The following UNC13C variants were observed in gnomAD, a reference collection of about 807,000 sequenced individuals.
UNC13C encodes the protein protein unc-13 homolog C.
Under a neutral mutation model 245.4 loss-of-function variants are expected in UNC13C, and 174 were observed. That is an observed-to-expected ratio of 0.71 (90% CI 0.63 to 0.80). UNC13C has a LOEUF of 0.80. Ranked by LOEUF, UNC13C falls within the 30% of genes least tolerant of loss-of-function variation. The pLI is 0.00. For synonymous variants in UNC13C, 992 were observed against 895.1 expected (o/e 1.11, Z -1.93); for missense variants, 2,829 against 2,602.9 (o/e 1.09, Z -1.89).
At position 53,980,329 on chromosome 15, in the gene UNC13C, G is replaced by A. The variant is rs184898755; in HGVS notation, c.-257+1402G>A. Among the ~76,000 whole-genome samples the A allele has an allele frequency of 1.4e-4, 22 of 152,296 alleles. 1 individual carries two copies. The East Asian group carries it at 2.9e-3, about 20-fold the overall frequency. On this transcript the variant is annotated intron_variant, in intron 1 of 32. Transcript: ENST00000260323. ...TAAGTATAGGCAATTCTTGATACCA[G>A]AGGAGTGATTTAGAAAATGAGCAAA...
At chr15:53,938,636 G>T in the UNC13C span, among the ~76,000 whole-genome samples, 2 of 152,028 alleles carry the variant, frequency 1.3e-5, no homozygotes, top group East Asian at 1.9e-4. Flanking sequence ...AAATGCAAAA[G>T]AACTGAAATC....
At chr15:54,111,258 T>C (rs1459051917) in intron 2 of UNC13C, among the ~76,000 whole-genome samples, 1 of 152,252 alleles carries the variant, frequency 6.6e-6, no homozygotes. Flanking sequence ...AGAATTCTTC[T>C]GTAAACATCA....
At chr15:53,928,943 C>T in the UNC13C span, among the ~76,000 whole-genome samples, 2 of 152,096 alleles carry the variant, frequency 1.3e-5, no homozygotes, top group African/African-American at 4.8e-5. Flanking sequence ...TACATCATGA[C>T]AAGAGTCATG....
chr15:53,886,852 A>C, the UNC13C span, among the ~76,000 whole-genome samples: 1 of 152,190 alleles, frequency 6.6e-6, no homozygotes, highest in Admixed American at 6.5e-5. Context: ...CAAATACATG[A>C]CTCCAGTCTA....
chr15:54,426,680 C>A (rs2140968638), intron 19 of UNC13C, among the ~76,000 whole-genome samples: 1 of 151,760 alleles, frequency 6.6e-6, no homozygotes, highest in South Asian at 2.1e-4. Flanking sequence ...TAAAGGCTGC[C>A]TACCATGGAG....
chr15:54,500,035 A>G (rs1894130002), intron 20 of UNC13C, 44 bp from the exon 21 acceptor site: 1 of 1,388,070 alleles, frequency 7.2e-7, no homozygotes, highest in South Asian at 1.3e-5. Context: ...AATTTTATGC[A>G]AATGATGTCC....
intron 12 of UNC13C, among the ~76,000 whole-genome samples, chr15:54,299,772 A>G (rs1489011297): frequency 6.6e-6 from 1 of 152,124 alleles, no homozygotes; most frequent in East Asian, 1.9e-4. Context: ...CTGCAGTGTA[A>G]TAGAATCTAA....
chr15:53,991,753 AT>A (rs1184385413), intron 1 of UNC13C, among the ~76,000 whole-genome samples: 3 of 152,040 alleles, frequency 2.0e-5, no homozygotes, highest in Non-Finnish European at 4.4e-5. Flanking sequence ...TTGCATCCAC[AT>A]TGTTTCTGAT....
chr15:54,206,734 C>T (rs777204595), intron 4 of UNC13C, among the ~76,000 whole-genome samples: 38 of 152,206 alleles, frequency 2.5e-4, no homozygotes, highest in Admixed American at 5.2e-4. Context: ...GGAGCCTCAT[C>T]GCACTTCTAA....
chr15:54,210,486 C>A (rs1014769232), intron 4 of UNC13C, among the ~76,000 whole-genome samples: 22 of 151,874 alleles, frequency 1.4e-4, no homozygotes, highest in Admixed American at 2.0e-4. Flanking sequence ...ATAAAAATCT[C>A]TTCCTTTTTG....
At chr15:54,074,011 GTTGTTACATTTAA>G (rs1898463741) in intron 2 of UNC13C, among the ~76,000 whole-genome samples, 1 of 152,176 alleles carries the variant, frequency 6.6e-6, no homozygotes. Context: ...TATGGCTTTA[GTTGTTACATTTAA>G]GTCTTCAATC....
intron 5 of UNC13C, among the ~76,000 whole-genome samples, chr15:54,235,522 C>T (rs998114819): frequency 1.3e-5 from 2 of 152,172 alleles, no homozygotes; most frequent in Admixed American, 6.5e-5. Context: ...AAGCAGATAA[C>T]ATTAATCAAC....
chr15:54,503,670 T>A (rs961713454), intron 22 of UNC13C, among the ~76,000 whole-genome samples: 1 of 152,044 alleles, frequency 6.6e-6, no homozygotes, highest in Admixed American at 6.6e-5. Flanking sequence ...ATTATCAGCA[T>A]TTCTATCTAT....
intron 30 of UNC13C, among the ~76,000 whole-genome samples, chr15:54,573,128 G>A (rs1023314654): frequency 6.6e-6 from 1 of 152,030 alleles, no homozygotes; most frequent in Non-Finnish European, 1.5e-5. Flanking sequence ...TATAATAAAT[G>A]GTTTAATAAA....
At chr15:54,306,763 C>T (rs1291268628) in intron 13 of UNC13C, among the ~76,000 whole-genome samples, 1 of 151,926 alleles carries the variant, frequency 6.6e-6, no homozygotes, top group East Asian at 1.9e-4. Context: ...GAGAGGAAAG[C>T]ATTAGGTCGG....
chr15:54,124,543 G>C (rs2030902533), intron 2 of UNC13C, among the ~76,000 whole-genome samples: 1 of 151,988 alleles, frequency 6.6e-6, no homozygotes, highest in Non-Finnish European at 1.5e-5. Context: ...TCCTTTGGTG[G>C]ATTTGTGATT....
At chr15:54,298,090 G>A (rs2037482951) in intron 12 of UNC13C, among the ~76,000 whole-genome samples, 164 bp downstream of exon 12, 1 of 152,102 alleles carries the variant, frequency 6.6e-6, no homozygotes, top group South Asian at 2.1e-4. Flanking sequence ...TAAATTCTAT[G>A]TGTTGTATTA....
chr15:54,145,013 A>G (rs2032194643), intron 4 of UNC13C, among the ~76,000 whole-genome samples: 1 of 151,852 alleles, frequency 6.6e-6, no homozygotes, highest in East Asian at 1.9e-4. Context: ...GCTGGTCTTG[A>G]TCTCCTGAGC....
intron 2 of UNC13C, among the ~76,000 whole-genome samples, chr15:54,140,342 A>G (rs2141231822): frequency 6.6e-6 from 1 of 152,196 alleles, no homozygotes; most frequent in African/African-American, 2.4e-5. Context: ...TGTCCATTCC[A>G]ATATTTAAGA....
Sources: gnomAD v4.1 joint callset for allele counts (sites outside exome capture counted in the v4.1 genomes callset) on GRCh38, gnomAD v4.1.1 for gene constraint, MANE v1.5 for transcripts, NCBI Gene and HGNC (gene_info 2026-07-23, HGNC 2026-07-21) for gene names.